The following EXOC5 variants were observed in gnomAD, a reference collection of about 807,000 sequenced individuals.
EXOC5 encodes the protein exocyst complex component 5.
A neutral mutation model predicts 90.8 loss-of-function variants in EXOC5; 17 were observed. The ratio of observed to expected loss-of-function variants is 0.19; its 90% CI spans 0.13 to 0.28. The LOEUF is 0.28. EXOC5 is among the 10% of genes least tolerant of loss of function. EXOC5 has a pLI of 1.00. For synonymous variants in EXOC5, 260 were observed against 270.0 expected (o/e 0.96, Z 0.36); for missense variants, 569 against 830.6 (o/e 0.69, Z 3.87).
Position 57,235,777 on chromosome 14 carries a change from G to T in EXOC5, c.603C>A (p.Thr201=). Residue 201 remains threonine, a synonymous_variant, in exon 7 of 18, where the codon ACC becomes ACA. Transcript: ENST00000621441. ...AGATTTCACCTCTTCTTTGAGCACT[G>T]GTAAACTCCTGAATCAGCTGGCATT... is the stretch of plus-strand genomic sequence containing the variant. ...DLECQLIQEF[T]SAQRRGEISR... is the part of the protein sequence containing the mutation. The T allele has an allele frequency of 6.4e-7, 1 of 1,560,410 alleles. No homozygotes were observed. The highest frequency in any genetic ancestry group is 8.7e-7 in the Non-Finnish European group (1 of 1,150,028).
At chr14:57,215,298 C>G (rs563174940) in intron 15 of EXOC5, among the ~76,000 whole-genome samples, 1 of 151,716 alleles carries the variant, frequency 6.6e-6, no homozygotes, top group African/African-American at 2.4e-5. Context: ...AATGGAAGAA[C>G]TGATTACACT....
At chr14:57,234,089 C>CA in intron 7 of EXOC5, 57 bp from the exon 8 acceptor site, 5 of 1,313,672 alleles carry the variant, frequency 3.8e-6, no homozygotes, top group Non-Finnish European at 5.4e-6. Context: ...ATTATTATTT[C>CA]AAAAAAAGAA....
At chr14:57,224,630 AC>A in intron 12 of EXOC5, among the ~76,000 whole-genome samples, 1 of 152,180 alleles carries the variant, frequency 6.6e-6, no homozygotes, top group Non-Finnish European at 1.5e-5. Context: ...TTCACTTGTG[AC>A]TTTTACCAAA....
chr14:57,265,537 A>G (rs1447602861), intron 1 of EXOC5, among the ~76,000 whole-genome samples: 1 of 152,184 alleles, frequency 6.6e-6, no homozygotes, highest in Non-Finnish European at 1.5e-5. Context: ...AGCCTGGGCA[A>G]CATGGTAAAA....
chr14:57,268,449 C>T, intron 1 of EXOC5, 173 bp downstream of exon 1: 1 of 1,483,104 alleles, frequency 6.7e-7, no homozygotes, highest in Non-Finnish European at 8.9e-7. Context: ...ACCCCTCCCC[C>T]ATTTCACGCT....
intron 5 of EXOC5, 119 bp from the exon 6 acceptor site, chr14:57,237,485 T>C: frequency 1.7e-6 from 1 of 586,512 alleles, no homozygotes; most frequent in South Asian, 2.3e-5. Flanking sequence ...CTGTACTATC[T>C]TTGCAACTTT....
chr14:57,218,322 T>C (rs1883030515), intron 14 of EXOC5, among the ~76,000 whole-genome samples: 2 of 152,096 alleles, frequency 1.3e-5, no homozygotes, highest in African/African-American at 4.8e-5. Flanking sequence ...AATTTGTTAT[T>C]TTGATCTCTG....
chr14:57,227,084 T>C (rs1883330013), intron 12 of EXOC5, among the ~76,000 whole-genome samples: 1 of 152,106 alleles, frequency 6.6e-6, no homozygotes, highest in Non-Finnish European at 1.5e-5. Flanking sequence ...ATTGTAACAA[T>C]ATAGAGTGCT....
intron 17 of EXOC5, 129 bp downstream of exon 17, chr14:57,209,438 T>C (rs1882759768): frequency 2.1e-6 from 1 of 482,404 alleles, no homozygotes; most frequent in Non-Finnish European, 3.7e-6. Context: ...TAGAATGTGA[T>C]AATCTATCTC....
intron 1 of EXOC5, among the ~76,000 whole-genome samples, chr14:57,259,358 G>A (rs1248365862): frequency 6.6e-6 from 1 of 152,074 alleles, no homozygotes; most frequent in African/African-American, 2.4e-5. Context: ...CTCAGTCTCT[G>A]GAAATGCTCG....
chr14:57,213,847 G>A (rs987693779), intron 15 of EXOC5, among the ~76,000 whole-genome samples: 1 of 151,790 alleles, frequency 6.6e-6, no homozygotes, highest in Non-Finnish European at 1.5e-5. Context: ...GTGCGCACCT[G>A]TAGTCCCAGC....
intron 9 of EXOC5, chr14:57,233,343 C>T (rs2139637455): frequency 6.4e-6 from 1 of 155,884 alleles, no homozygotes; most frequent in East Asian, 1.9e-4. Flanking sequence ...AATTAAATTT[C>T]TGTGTTTTCC....
intron 1 of EXOC5, among the ~76,000 whole-genome samples, chr14:57,260,678 C>T (rs950836715): frequency 1.3e-5 from 2 of 152,150 alleles, no homozygotes; most frequent in Non-Finnish European, 2.9e-5. Context: ...ATTTAAAATT[C>T]GTAATGCAAG....
intron 3 of EXOC5, among the ~76,000 whole-genome samples, chr14:57,245,136 T>TTAGTAGAA (rs1319023975): frequency 6.6e-6 from 1 of 152,190 alleles, no homozygotes; most frequent in Non-Finnish European, 1.5e-5. Flanking sequence ...AAGGCAAAGG[T>TTAGTAGAA]ATATTACTTT....
chr14:57,204,518 G>A lies in EXOC5; in HGVS notation c.*4091C>T, dbSNP rs1236446785. On this transcript the variant is annotated 3_prime_UTR_variant, in exon 18 of 18. Transcript: ENST00000621441. ...AATGTACTAAATAGTTAACACAATT[G>A]GCAAGCCTATGACATTTAAAATAGT... The A allele has an allele frequency of 6.6e-6, 1 of 152,206 alleles. No homozygotes were observed. 9.4% of individuals were successfully genotyped at this position (152,206 alleles called of 1,614,324 possible).
intron 12 of EXOC5, among the ~76,000 whole-genome samples, chr14:57,228,729 A>G (rs780936111): frequency 2.6e-4 from 39 of 151,890 alleles, no homozygotes; most frequent in Non-Finnish European, 4.4e-5. Context: ...TAAGGGAGGA[A>G]TAGCATTAGG....
In EXOC5 at chr14:57,206,905, A is replaced by G. The variant is rs1190237788; in HGVS notation, c.*1704T>C. 6.6e-6 allele frequency: 1 copy of G among 152,406 alleles called. No homozygotes were observed. Among genetic ancestry groups the G allele is most frequent in the Non-Finnish European group, 1.5e-5 (1 of 67,930 alleles). 9.4% of individuals were successfully genotyped at this position (152,406 alleles called of 1,614,324 possible). On this transcript the variant is annotated 3_prime_UTR_variant, in exon 18 of 18. Transcript: ENST00000621441. Reference sequence around the variant, plus strand: ...ACAAAGAGCTTAAATGGCCAGTAAAACTACTGCCTTAAAATTGTTGGCTTT... The same window carrying G: ...ACAAAGAGCTTAAATGGCCAGTAAAGCTACTGCCTTAAAATTGTTGGCTTT...
intron 1 of EXOC5, among the ~76,000 whole-genome samples, chr14:57,259,562 C>T (rs1217681206): frequency 2.0e-5 from 3 of 152,164 alleles, no homozygotes; most frequent in African/African-American, 7.2e-5. Flanking sequence ...GGTAACTCAC[C>T]CCACCAAGTA....
chr14:57,245,655 T>TA (rs1159654097), intron 3 of EXOC5, among the ~76,000 whole-genome samples: 1 of 152,154 alleles, frequency 6.6e-6, no homozygotes, highest in Non-Finnish European at 1.5e-5. Flanking sequence ...AAAAGGAATC[T>TA]AAAAAATTGA....
Sources: gnomAD v4.1 joint callset for allele counts (sites outside exome capture counted in the v4.1 genomes callset) on GRCh38, gnomAD v4.1.1 for gene constraint, MANE v1.5 for transcripts, NCBI Gene and HGNC (gene_info 2026-07-23, HGNC 2026-07-21) for gene names.